SIPA1L2: variants seen among roughly 807,000 people sequenced by gnomAD.
SIPA1L2 encodes the protein signal induced proliferation associated 1 like 2.
A neutral mutation model predicts 163.9 loss-of-function variants in SIPA1L2; 56 were observed. The observed-to-expected ratio is 0.34, with a 90% CI of 0.28 to 0.43. The LOEUF (loss-of-function observed/expected upper bound fraction) is 0.43, where lower values mean the gene tolerates loss of function less well. Among genes scored for constraint, SIPA1L2 ranks in the 20% least tolerant of loss-of-function variants. The pLI is 1.00. For synonymous variants in SIPA1L2, 877 were observed against 865.7 expected (o/e 1.01, Z -0.23); for missense variants, 1,974 against 2,193.5 (o/e 0.90, Z 2.00).
chr1:232,602,281 G>T (rs1347063812), intron 1 of SIPA1L2, among the ~76,000 whole-genome samples: 6 of 152,182 alleles, frequency 3.9e-5, no homozygotes, highest in Admixed American at 3.9e-4. Context: ...AGGACCTACA[G>T]TCCATGCTGA....
intron 3 of SIPA1L2, among the ~76,000 whole-genome samples, chr1:232,494,138 C>G (rs906974514): frequency 6.6e-6 from 1 of 152,162 alleles, no homozygotes; most frequent in Non-Finnish European, 1.5e-5. Flanking sequence ...TAGCTAAGAT[C>G]GCCTTTTCAT....
intron 15 of SIPA1L2, 59 bp from the exon 16 acceptor site, chr1:232,432,530 C>T (rs760668828): frequency 1.5e-4 from 223 of 1,518,718 alleles, no homozygotes; most frequent in Non-Finnish European, 1.8e-4. Context: ...TGCTGGCACA[C>T]GGCCAAATTC....
intron 19 of SIPA1L2, among the ~76,000 whole-genome samples, chr1:232,404,392 A>G (rs768390734): frequency 4.5e-4 from 69 of 152,134 alleles, no homozygotes; most frequent in Non-Finnish European, 3.5e-4. Context: ...GGGTACAACA[A>G]AGACATGTGG....
At position 232,596,158 on chromosome 1, in the gene SIPA1L2, C is replaced by T. The variant is rs1012695375; in HGVS notation, c.-318-21936G>A. Among the ~76,000 whole-genome samples, 6 of 152,270 alleles carry T rather than the reference C, an allele frequency of 3.9e-5. No individual in the cohort carries two copies. The East Asian group carries it at 7.7e-4, about 20-fold the overall frequency. On this transcript the variant is annotated intron_variant, in intron 1 of 22. Transcript: ENST00000674635. ...TCTAGCTTAAAACTAACCAGGATTC[C>T]GGAAAGTCAAAGGGCTAGTCTTGAA...
intron 2 of SIPA1L2, among the ~76,000 whole-genome samples, chr1:232,541,297 A>G (rs1657661341): frequency 6.9e-6 from 1 of 144,160 alleles, no homozygotes; most frequent in African/African-American, 2.5e-5. Context: ...ATAACATAAC[A>G]TAACAGAATA....
At chr1:232,510,158 G>A (rs1209630387) in intron 3 of SIPA1L2, among the ~76,000 whole-genome samples, 1 of 152,036 alleles carries the variant, frequency 6.6e-6, no homozygotes, top group African/African-American at 2.4e-5. Context: ...ACTTGATATT[G>A]GCAGTGCAGA....
Position 232,465,549 on chromosome 1 carries a change from T to C in SIPA1L2, c.2244-133A>G, listed in dbSNP as rs7539264. On this transcript the variant is annotated intron_variant, in intron 8 of 22. Coordinates refer to ENST00000674635, the MANE Select transcript of SIPA1L2 (RefSeq NM_020808.5). The surrounding 1 kb of genome is among the most constrained non-coding windows in gnomAD (Gnocchi z 4.1). ...ACACACACACATATACATACACACA[T>C]ACACACACACTTTCAACTTAACTGG... 8.2e-5 allele frequency: 51 copies of C among 618,778 alleles called. No homozygotes were observed. In the East Asian group the frequency reaches 1.2e-3, roughly 14 times the overall value. 38.3% of individuals were successfully genotyped at this position (618,778 alleles called of 1,614,324 possible).
chr1:232,501,050 A>ATTTTTTTGTTTTT (rs1666447381), intron 3 of SIPA1L2, among the ~76,000 whole-genome samples: 1 of 78,450 alleles, frequency 1.3e-5, no homozygotes, highest in Non-Finnish European at 2.3e-5. Flanking sequence ...GCAATGAAGT[A>ATTTTTTTGTTTTT]TTTTTTTTTT....
In SIPA1L2 at chr1:232,399,265, T is replaced by G; in HGVS notation, c.5031A>C (p.Gln1677His). The G allele has an allele frequency of 6.2e-7, 1 of 1,613,444 alleles. No individual in the cohort carries two copies. The highest frequency in any genetic ancestry group is 8.5e-7 in the Non-Finnish European group (1 of 1,179,956). ...QLQTDLRKEK[Q>H]DKAVLQAEVQ... ...CTTCTGCTTGGAGAACGGCCTTGTCTTGTTTTTCCTGGTCAGAGCAGAAAT... is the reference window on the plus strand; with the variant it reads ...CTTCTGCTTGGAGAACGGCCTTGTCGTGTTTTTCCTGGTCAGAGCAGAAAT... The change falls in exon 23 of 23, where the codon CAA (glutamine) becomes CAC (histidine). Residue 1677 changes from glutamine to histidine, a missense_variant. Coordinates refer to ENST00000674635, the MANE Select transcript of SIPA1L2 (RefSeq NM_020808.5).
intron 2 of SIPA1L2, among the ~76,000 whole-genome samples, 192 bp from the exon 3 acceptor site, chr1:232,515,800 A>G (rs903362294): frequency 6.6e-6 from 1 of 152,218 alleles, no homozygotes; most frequent in African/African-American, 2.4e-5. Flanking sequence ...AATTCACACC[A>G]TACAATCAGG....
intron 9 of SIPA1L2, among the ~76,000 whole-genome samples, chr1:232,461,732 G>A (rs921446216): frequency 2.6e-5 from 4 of 152,224 alleles, no homozygotes; most frequent in Non-Finnish European, 4.4e-5. Flanking sequence ...TGAGGTTCAG[G>A]AAGGGCAGTG....
chr1:232,465,132 G>A lies in SIPA1L2; in HGVS notation c.2528C>T (p.Pro843Leu). Residue 843 changes from proline (P) to leucine (L), a missense_variant, in exon 9 of 23, where the codon CCA (proline) becomes CTA (leucine). Pro to Leu is a moderately conservative substitution (Grantham distance 98). Around this residue, in one of 3 missense-constraint regions of SIPA1L2, gnomAD observed 1,079 missense variants for 1,150.7 expected, o/e 0.94. Transcript: ENST00000674635. This position sits in a 1 kb window ranked among gnomAD's most constrained non-coding sequence, Gnocchi z 4.1. ...GCTAAACAAGTGGGCATCCTTCCTTGGCTTTACCTTCTCCTTTTTCTTCGC... is the reference window on the plus strand; with the variant it reads ...GCTAAACAAGTGGGCATCCTTCCTTAGCTTTACCTTCTCCTTTTTCTTCGC... ...LGAKKKEKVK[P>L]RKDAHLFSIG... is the part of the protein sequence containing the mutation. 2.5e-6 allele frequency: 4 copies of A among 1,614,094 alleles called. No homozygotes were observed. Among genetic ancestry groups the A allele is most frequent in the Non-Finnish European group, 3.4e-6 (4 of 1,180,016 alleles).
chr1:232,404,065 T>C (rs2275306), intron 20 of SIPA1L2, 60 bp downstream of exon 20: 1 of 1,584,410 alleles, frequency 6.3e-7, no homozygotes. Context: ...TGCAGACACA[T>C]GAAATATACA....
chr1:232,524,014 A>G (rs1302220951), intron 2 of SIPA1L2, among the ~76,000 whole-genome samples: 1 of 152,108 alleles, frequency 6.6e-6, no homozygotes, highest in Non-Finnish European at 1.5e-5. Context: ...TCCATTCACT[A>G]CTCACACACA....
chr1:232,446,904 G>C (rs1209602529), intron 10 of SIPA1L2, among the ~76,000 whole-genome samples: 1 of 152,232 alleles, frequency 6.6e-6, no homozygotes, highest in Non-Finnish European at 1.5e-5. Flanking sequence ...CTTGTGTTTG[G>C]AGGAACACAG....
chr1:232,401,709 A>C (rs1366261326), intron 22 of SIPA1L2, among the ~76,000 whole-genome samples: 1 of 151,994 alleles, frequency 6.6e-6, no homozygotes, highest in East Asian at 1.9e-4. Flanking sequence ...CCTCATCATA[A>C]TTTCCCTCCC....
chr1:232,552,413 T>A (rs1329264703), intron 2 of SIPA1L2, among the ~76,000 whole-genome samples: 1 of 151,910 alleles, frequency 6.6e-6, no homozygotes. Context: ...TTCTGCTTGT[T>A]TCTTTTTCAG....
chr1:232,401,714 C>T (rs1307549933), intron 22 of SIPA1L2, among the ~76,000 whole-genome samples: 1 of 152,160 alleles, frequency 6.6e-6, no homozygotes, highest in Non-Finnish European at 1.5e-5. Flanking sequence ...TCATAATTTC[C>T]CTCCCAACTG....
chr1:232,500,674 A>G (rs1666421470), intron 3 of SIPA1L2, among the ~76,000 whole-genome samples: 1 of 152,228 alleles, frequency 6.6e-6, no homozygotes, highest in African/African-American at 2.4e-5. Flanking sequence ...GAGCAAAGAA[A>G]GTGGTTTCTT....
Sources: gnomAD v4.1 joint callset for allele counts (sites outside exome capture counted in the v4.1 genomes callset) on GRCh38, gnomAD v4.1.1 for gene constraint, gnomAD v4.1.1 regional missense constraint, Gnocchi (gnomAD v3.1) non-coding constraint, MANE v1.5 for transcripts, NCBI Gene and HGNC (gene_info 2026-07-23, HGNC 2026-07-21) for gene names.